Variants in HEG1 observed in about 807,000 individuals in gnomAD.
HEG1 encodes the protein protein HEG homolog 1.
In HEG1, 56 loss-of-function variants were observed where a neutral mutation model predicts 125.6. The observed-to-expected ratio is 0.45, with a 90% CI of 0.36 to 0.56. The LOEUF is 0.56. Ranked by LOEUF, HEG1 falls within the 20% of genes least tolerant of loss-of-function variation. The pLI is 0.00. For synonymous variants in HEG1, 644 were observed against 668.5 expected, an observed-to-expected ratio of 0.96 and a Z score of 0.57; for missense variants, 1,523 against 1,670.0, an observed-to-expected ratio of 0.91 and a Z score of 1.53.
intron 5 of HEG1, among the ~76,000 whole-genome samples, chr3:125,018,035 A>T (rs968082705): frequency 3.3e-5 from 5 of 152,052 alleles, no homozygotes; most frequent in Admixed American, 6.6e-5. Flanking sequence ...TCTCAAAAAA[A>T]AAAAAATAAA....
In HEG1 at chr3:124,967,389, A is replaced by C. The variant is rs961689600; in HGVS notation, c.*3263T>G. ...AGCACAAGCCAGCCACTATTTTCTT[A>C]ATGACAAGTGTCTAAGAATTACATA... On this transcript the variant is annotated 3_prime_UTR_variant, in exon 17 of 17. Transcript: ENST00000311127. The C allele has an allele frequency of 1.3e-5, 2 of 151,730 alleles. No individual in the cohort carries two copies. Among genetic ancestry groups the C allele is most frequent in the Non-Finnish European group, 2.9e-5 (2 of 67,992 alleles). The allele number at this position is 151,730 out of a possible 1,614,324, so 9.4% of individuals were successfully genotyped here. A position where few individuals can be genotyped will look rare whatever the true frequency, so the allele number is the denominator to read the frequency against.
At chr3:125,014,820 G>A in intron 5 of HEG1, 1 of 1,289,886 alleles carries the variant, frequency 7.8e-7, no homozygotes, top group Non-Finnish European at 1.0e-6. Context: ...GGCCGCTGCA[G>A]GGCTGCCTGC....
intron 5 of HEG1, among the ~76,000 whole-genome samples, chr3:125,018,769 T>C (rs1050272466): frequency 2.6e-5 from 4 of 151,080 alleles, no homozygotes; most frequent in Non-Finnish European, 4.4e-5. Flanking sequence ...AACTGGGGGA[T>C]ATATAGGTGT....
chr3:124,981,098 C>G (rs563969117), intron 14 of HEG1, among the ~76,000 whole-genome samples: 16 of 152,148 alleles, frequency 1.1e-4, no homozygotes, highest in African/African-American at 3.9e-4. Context: ...CCTGGCCTCC[C>G]AAAGTGCTGG....
chr3:125,051,333 G>A (rs1937801141), intron 1 of HEG1, among the ~76,000 whole-genome samples: 1 of 150,816 alleles, frequency 6.6e-6, no homozygotes, highest in African/African-American at 2.5e-5. Context: ...AGGAATGGAG[G>A]GAGGGAGGAA....
intron 15 of HEG1, among the ~76,000 whole-genome samples, chr3:124,974,285 C>A (rs1263340247): frequency 6.6e-6 from 1 of 152,076 alleles, no homozygotes; most frequent in Admixed American, 6.6e-5. Flanking sequence ...CCCTTAGACT[C>A]ATTCTAGTCC....
rs141398690 is a variant in HEG1 at position 125,020,943 on chromosome 3, C to T, written c.1101G>A (p.Thr367=). The T allele has an allele frequency of 6.3e-3, 10,221 of 1,613,948 alleles. 39 individuals are homozygous for T. The highest frequency in any genetic ancestry group is 7.8e-3 in the Non-Finnish European group (9,207 of 1,179,880). Residue 367 remains threonine (T), a synonymous_variant, in exon 4 of 17, where the codon ACG becomes ACA. Coordinates refer to ENST00000311127, the MANE Select transcript of HEG1 (RefSeq NM_020733.2). ...GTGAAAGAAGGACTGAGGATGAAGTCGTGGCAATTCTGGAGTCCTTGGGGA... is the reference window on the plus strand; with the variant it reads ...GTGAAAGAAGGACTGAGGATGAAGTTGTGGCAATTCTGGAGTCCTTGGGGA... ...EGFPKDSRIA[T]TSSSVLLSPS...
intron 14 of HEG1, among the ~76,000 whole-genome samples, chr3:124,982,252 TGTAACCTTGTAATATCCCC>T: frequency 6.6e-6 from 1 of 152,240 alleles, no homozygotes; most frequent in African/African-American, 2.4e-5. Flanking sequence ...GCCATGTCAC[TGTAACCTTGTAATATCCCC>T]CAGAGATCTT....
chr3:124,966,358 T>C lies in HEG1; in HGVS notation c.*4294A>G, dbSNP rs933015618. Reference sequence around the variant, plus strand: ...CAGATATGATGGAGTATAACGCTAATGAAGATACTTTACTACAACAAATTA... The same window carrying C: ...CAGATATGATGGAGTATAACGCTAACGAAGATACTTTACTACAACAAATTA... On this transcript the variant is annotated 3_prime_UTR_variant, in exon 17 of 17. Coordinates refer to ENST00000311127, the MANE Select transcript of HEG1 (RefSeq NM_020733.2). 7.2e-5 allele frequency: 11 copies of C among 152,210 alleles called. No homozygotes were observed. The highest frequency in any genetic ancestry group is 2.7e-4 in the African/African-American group (11 of 41,464). The allele number at this position is 152,210 out of a possible 1,614,324, so 9.4% of individuals were successfully genotyped here.
At chr3:125,027,539 C>A (rs199791112) in intron 2 of HEG1, 32 bp from the exon 3 acceptor site, 1 of 1,543,758 alleles carries the variant, frequency 6.5e-7, no homozygotes, top group Non-Finnish European at 8.7e-7. Flanking sequence ...TAGAATTCCA[C>A]CAGCAGACTT....
rs888723296 is a variant in HEG1, at chr3:124,969,453, G to C, written c.*1199C>G. ...CCATATGAAGAGGTACAAATGACTG[G>C]GTGAGAAAAAAAAGTTATTTCTTCA... On this transcript the variant is annotated 3_prime_UTR_variant, in exon 17 of 17. Coordinates refer to ENST00000311127, the MANE Select transcript of HEG1 (RefSeq NM_020733.2). 2.0e-5 allele frequency: 3 copies of C among 152,004 alleles called. No homozygotes were observed. The highest frequency in any genetic ancestry group is 7.3e-5 in the African/African-American group (3 of 41,370). 9.4% of individuals were successfully genotyped at this position (152,004 alleles called of 1,614,324 possible).
rs202102509 is a variant in HEG1, at chr3:125,030,286, G to T, written c.317-798C>A. ...ATTCTGATAAAACATGAAGACTCTG[G>T]CAATATTACTGAAACTTGTGTGATG... is the stretch of plus-strand genomic sequence containing the variant. On this transcript the variant is annotated intron_variant, in intron 1 of 16. Transcript: ENST00000311127. Among the ~76,000 whole-genome samples, 6 of 152,274 alleles carry T rather than the reference G, an allele frequency of 3.9e-5. No individual in the cohort carries two copies. In the East Asian group the frequency reaches 9.6e-4, roughly 24 times the overall value.
intron 1 of HEG1, among the ~76,000 whole-genome samples, chr3:125,044,941 G>C (rs1030837292): frequency 5.3e-5 from 8 of 152,274 alleles, no homozygotes; most frequent in Admixed American, 3.9e-4. Context: ...GCTCTGATAC[G>C]ATTTAGAAGA....
intron 9 of HEG1, among the ~76,000 whole-genome samples, chr3:125,002,662 C>A (rs975862005): frequency 6.6e-6 from 1 of 152,182 alleles, no homozygotes; most frequent in African/African-American, 2.4e-5. Context: ...TTGGACTCTG[C>A]ATAGTGAACG....
In HEG1 at chr3:125,052,454, G is replaced by A. The variant is rs182503705; in HGVS notation, c.316+3121C>T. On this transcript the variant is annotated intron_variant, in intron 1 of 16. Transcript: ENST00000311127. ...CATTTTTCTAAGATTATTGTTTCTC[G>A]GGCTGGCTGCTCAGCTACTCAGCGT... is the stretch of plus-strand genomic sequence containing the variant. 8.5e-5 allele frequency among the ~76,000 whole-genome samples: 13 copies of A among 152,186 alleles called. No individual in the cohort carries two copies. The East Asian group carries it at 1.9e-3, about 23-fold the overall frequency.
Position 125,012,663 on chromosome 3 carries a change from G to A in HEG1, c.2916C>T (p.Ser972=), listed in dbSNP as rs1937172840. Reference sequence around the variant, plus strand: ...ACACTGTTGTTGGTGACTGTGTGCTGCTCTGAACAGCAAAGGTGGCAGATT... The same window carrying A: ...ACACTGTTGTTGGTGACTGTGTGCTACTCTGAACAGCAAAGGTGGCAGATT... ...APKSATFAVQ[S]STQSPTTVSS... Residue 972 remains serine (S), a synonymous_variant, in exon 6 of 17, where the codon AGC becomes AGT. Coordinates refer to ENST00000311127, the MANE Select transcript of HEG1 (RefSeq NM_020733.2). 1 of 1,613,784 alleles carries A rather than the reference G, an allele frequency of 6.2e-7. No individual in the cohort carries two copies. Among genetic ancestry groups the A allele is most frequent in the Non-Finnish European group, 8.5e-7 (1 of 1,179,840 alleles).
chr3:125,054,626 C>G (rs1937889124), intron 1 of HEG1, among the ~76,000 whole-genome samples: 1 of 152,246 alleles, frequency 6.6e-6, no homozygotes, highest in East Asian at 1.9e-4. Context: ...CCGGACAGAG[C>G]ATATGCCCTG....
chr3:125,029,585 G>T, intron 1 of HEG1, 97 bp from the exon 2 acceptor site: 1 of 1,210,636 alleles, frequency 8.3e-7, no homozygotes, highest in Non-Finnish European at 1.2e-6. Context: ...TCAGTAGAGA[G>T]TGAATTCAAG....
chr3:125,019,753 T>C (rs1579422849), intron 4 of HEG1, among the ~76,000 whole-genome samples, 156 bp from the exon 5 acceptor site: 1 of 152,260 alleles, frequency 6.6e-6, no homozygotes, highest in African/African-American at 2.4e-5. Flanking sequence ...TCTAAATAAT[T>C]ATTTCAAAAC....
Sources: allele counts gnomAD v4.1 joint callset (sites outside exome capture counted in the v4.1 genomes callset), GRCh38; gene constraint gnomAD v4.1.1; transcripts MANE v1.5; gene names NCBI Gene and HGNC (gene_info 2026-07-23, HGNC 2026-07-21).